The following ABCA12 variants were observed in gnomAD, a reference collection of about 807,000 sequenced individuals.
ABCA12 encodes the protein ATP binding cassette subfamily A member 12.
A neutral mutation model predicts 293.5 loss-of-function variants in ABCA12; 156 were observed. The ratio of observed to expected loss-of-function variants is 0.53; its 90% CI spans 0.47 to 0.61. ABCA12 has a LOEUF of 0.61. Among genes scored for constraint, ABCA12 ranks in the 20% least tolerant of loss-of-function variants. The pLI is 0.00. For synonymous variants in ABCA12, 1,063 were observed against 1,108.0 expected, an observed-to-expected ratio of 0.96 and a Z score of 0.81; for missense variants, 2,797 against 3,090.2, an observed-to-expected ratio of 0.91 and a Z score of 2.25.
intron 7 of ABCA12, among the ~76,000 whole-genome samples, chr2:215,039,238 A>G (rs1015808284): frequency 6.6e-6 from 1 of 152,212 alleles, no homozygotes; most frequent in Non-Finnish European, 1.5e-5. Flanking sequence ...ATGTAAAAAA[A>G]TGCTGGAGAA....
intron 48 of ABCA12, 145 bp downstream of exon 48, chr2:214,947,277 T>A (rs1196979006): frequency 5.1e-5 from 56 of 1,100,164 alleles, no homozygotes; most frequent in Non-Finnish European, 7.4e-5. Context: ...TGAGATAGTA[T>A]ACATAAAGTG....
intron 1 of ABCA12, among the ~76,000 whole-genome samples, chr2:215,113,971 C>G (rs1275826764): frequency 6.6e-6 from 1 of 152,086 alleles, no homozygotes; most frequent in African/African-American, 2.4e-5. Context: ...ATTACCATAT[C>G]ATAAACTTGC....
chr2:215,048,081 C>T (rs573906368), intron 6 of ABCA12, among the ~76,000 whole-genome samples: 12 of 152,070 alleles, frequency 7.9e-5, no homozygotes, highest in African/African-American at 2.9e-4. Flanking sequence ...CTCAATATCA[C>T]TGATCATTAG....
chr2:215,032,930 T>C (rs1253467076), intron 8 of ABCA12, among the ~76,000 whole-genome samples: 1 of 152,252 alleles, frequency 6.6e-6, no homozygotes, highest in African/African-American at 2.4e-5. Flanking sequence ...ATTTTTTTGC[T>C]GGTCCTGATT....
intron 1 of ABCA12, among the ~76,000 whole-genome samples, chr2:215,120,849 A>G (rs552996748): frequency 2.0e-5 from 3 of 152,308 alleles, no homozygotes; most frequent in East Asian, 1.9e-4. Flanking sequence ...CTTCTTCCAC[A>G]TGAGAATTCT....
intron 44 of ABCA12, among the ~76,000 whole-genome samples, chr2:214,953,474 A>G (rs1321690292): frequency 2.0e-5 from 3 of 152,128 alleles, no homozygotes; most frequent in Non-Finnish European, 2.9e-5. Context: ...CATTGCCAAC[A>G]TGCTCCACAC....
intron 3 of ABCA12, among the ~76,000 whole-genome samples, chr2:215,058,381 G>A (rs4436957): frequency 0.64 from 97,424 of 151,778 alleles, 31,908 homozygotes; most frequent in African/African-American, 0.77. Context: ...GAAACCCTGT[G>A]CAATGACAGA....
At chr2:215,063,127 CA>C in intron 3 of ABCA12, among the ~76,000 whole-genome samples, 1 of 151,974 alleles carries the variant, frequency 6.6e-6, no homozygotes, top group East Asian at 1.9e-4. Context: ...TTAGGGGTCC[CA>C]AGCTGTGTCT....
chr2:215,059,050 C>G (rs1395853561), intron 3 of ABCA12, among the ~76,000 whole-genome samples: 1 of 151,896 alleles, frequency 6.6e-6, no homozygotes, highest in African/African-American at 2.4e-5. Context: ...AAGAGGAATT[C>G]CTATCAGGAA....
chr2:214,954,156 G>A (rs1261409817), intron 43 of ABCA12, 49 bp from the exon 44 acceptor site: 3 of 1,599,142 alleles, frequency 1.9e-6, no homozygotes, highest in East Asian at 4.5e-5. Flanking sequence ...TTTCCAAAAA[G>A]CTGACAAAAA....
At chr2:215,134,577 ATCTCTCTCTCTC>A (rs370388681) in intron 1 of ABCA12, among the ~76,000 whole-genome samples, 8 of 76,850 alleles carry the variant, frequency 1.0e-4, no homozygotes, top group African/African-American at 5.0e-4. Flanking sequence ...TATATATATA[ATCTCTCTCTCTC>A]TCTCTCTCTC....
At position 214,947,077 on chromosome 2, in the gene ABCA12, C is replaced by T. The variant is rs189811366; in HGVS notation, c.7239+345G>A. Among the ~76,000 whole-genome samples, 4 of 152,238 alleles carry T rather than the reference C, an allele frequency of 2.6e-5. No homozygotes were observed. The East Asian group carries it at 7.7e-4, about 29-fold the overall frequency. On this transcript the variant is annotated intron_variant, in intron 48 of 52. Coordinates refer to ENST00000272895, the MANE Select transcript of ABCA12 (RefSeq NM_173076.3). ...CCTAACAGAAAAAGAGAGATGATTTCTTCAATAGGTGGGAATCAGATGCTA... is the reference window on the plus strand; with the variant it reads ...CCTAACAGAAAAAGAGAGATGATTTTTTCAATAGGTGGGAATCAGATGCTA...
rs780740390 is a variant in ABCA12 at position 214,951,054 on chromosome 2, T to A, written c.6677A>T (p.His2226Leu). 6.2e-7 allele frequency: 1 copy of A among 1,613,976 alleles called. No homozygotes were observed. The highest frequency in any genetic ancestry group is 1.3e-5 in the African/African-American group (1 of 74,918). ...RLFFRKFNSSHVRETIDEDED... is the reference protein window; with the variant it reads ...RLFFRKFNSSLVRETIDEDED... ...ATCCTCATCTATTGTCTCCCTTACA[T>A]GTGAAGAATTAAATTTTCTGAAGAA... The change falls in exon 45 of 53, where the codon CAT becomes CTT. Residue 2226 changes from histidine (H) to leucine (L), a missense_variant. By Grantham distance (99) the His-to-Leu change is moderately conservative (BLOSUM62 -3). Around this residue, in one of 3 missense-constraint regions of ABCA12, gnomAD observed 2,130 missense variants for 2,427.0 expected, o/e 0.88. Coordinates refer to ENST00000272895, the MANE Select transcript of ABCA12 (RefSeq NM_173076.3).
intron 38 of ABCA12, among the ~76,000 whole-genome samples, chr2:214,967,741 G>A (rs1436993735): frequency 6.6e-6 from 1 of 152,080 alleles, no homozygotes; most frequent in Non-Finnish European, 1.5e-5. Context: ...ATCACACAGG[G>A]ATGCTGTGAG....
At chr2:214,957,534 A>G (rs992586938) in intron 41 of ABCA12, among the ~76,000 whole-genome samples, 2 of 152,220 alleles carry the variant, frequency 1.3e-5, no homozygotes, top group Non-Finnish European at 2.9e-5. Flanking sequence ...GACTTCTACA[A>G]CAAACACATT....
chr2:215,091,349 G>A (rs1425714614), intron 2 of ABCA12, among the ~76,000 whole-genome samples: 1 of 152,044 alleles, frequency 6.6e-6, no homozygotes, highest in Non-Finnish European at 1.5e-5. Context: ...TTTCATTCTG[G>A]AACTAGCCCT....
Position 215,033,707 on chromosome 2 carries a change from C to T in ABCA12, c.986-1811G>A, listed in dbSNP as rs148801340. Among the ~76,000 whole-genome samples, 766 of 151,978 alleles carry T rather than the reference C, an allele frequency of 5.0e-3. 6 individuals are homozygous for T. The highest frequency in any genetic ancestry group is 0.025 in the East Asian group (131 of 5,164). The stretch of plus-strand genomic sequence containing the variant: ...CTGTAATCCCAGCATTTTGGGAGGT[C>T]GAGGTGGGCACATCACGAGGTCAGG... On this transcript the variant is annotated intron_variant, in intron 8 of 52. Transcript: ENST00000272895.
chr2:215,134,422 A>G (rs1457592576), intron 1 of ABCA12, among the ~76,000 whole-genome samples: 5 of 138,634 alleles, frequency 3.6e-5, no homozygotes, highest in Admixed American at 1.5e-4. Context: ...ATATGTACAT[A>G]TATGTATATG....
intron 1 of ABCA12, among the ~76,000 whole-genome samples, chr2:215,132,032 A>G (rs1703070397): frequency 6.6e-6 from 1 of 151,848 alleles, no homozygotes; most frequent in African/African-American, 2.4e-5. Context: ...GTTTCCATGT[A>G]CTTGTATAGT....
Sources: gnomAD v4.1 joint callset for allele counts (sites outside exome capture counted in the v4.1 genomes callset) on GRCh38, gnomAD v4.1.1 for gene constraint, gnomAD v4.1.1 regional missense constraint, MANE v1.5 for transcripts, NCBI Gene and HGNC (gene_info 2026-07-23, HGNC 2026-07-21) for gene names.